The following NRXN1 variants were observed in gnomAD, a reference collection of about 807,000 sequenced individuals.
NRXN1 encodes the protein neurexin-1.
Under a neutral mutation model 150.9 loss-of-function variants are expected in NRXN1, and 39 were observed. The ratio of observed to expected loss-of-function variants is 0.26; its 90% CI spans 0.20 to 0.34. The LOEUF (loss-of-function observed/expected upper bound fraction) is 0.34, where lower values mean the gene tolerates loss of function less well. NRXN1 is among the 10% of genes least tolerant of loss of function. NRXN1 has a pLI of 1.00. For missense variants in NRXN1, 1,815 were observed against 1,949.9 expected (o/e 0.93, Z 1.30); for synonymous variants, 924 against 757.0 (o/e 1.22, Z -3.62).
chr2:50,244,438 G>C (rs955144158), intron 17 of NRXN1, among the ~76,000 whole-genome samples: 6 of 151,872 alleles, frequency 4.0e-5, no homozygotes, highest in African/African-American at 1.4e-4. Context: ...ATCAATGATT[G>C]ATAGAGATTG....
At chr2:50,728,669 C>A (rs1697706472) in intron 5 of NRXN1, among the ~76,000 whole-genome samples, 2 of 152,106 alleles carry the variant, frequency 1.3e-5, no homozygotes, top group African/African-American at 4.8e-5. Context: ...AAGAAAATGC[C>A]TGCCTGTTAA....
In NRXN1 at chr2:50,168,434, A is replaced by C. The variant is rs915429980; in HGVS notation, c.3546+68355T>G. Among the ~76,000 whole-genome samples, 3 of 152,172 alleles carry C rather than the reference A, an allele frequency of 2.0e-5. No homozygotes were observed. The East Asian group carries it at 5.8e-4, about 29-fold the overall frequency. On this transcript the variant is annotated intron_variant, in intron 18 of 22. Coordinates refer to ENST00000401669, the MANE Select transcript of NRXN1 (RefSeq NM_001330078.2). ...CAACACAATTTGGCCTTTATATTTA[A>C]AAATCACGGTTCATTTGACGTCACA...
At chr2:50,161,205 C>T (rs1453337050) in intron 18 of NRXN1, among the ~76,000 whole-genome samples, 1 of 152,110 alleles carries the variant, frequency 6.6e-6, no homozygotes. Flanking sequence ...TGCATTTAAC[C>T]TTACAAAGAA....
At chr2:50,151,908 C>T (rs558274416) in intron 18 of NRXN1, among the ~76,000 whole-genome samples, 126 of 151,842 alleles carry the variant, frequency 8.3e-4, no homozygotes, top group African/African-American at 2.8e-3. Flanking sequence ...AGCAATTCTA[C>T]AGATTTTAAG....
intron 5 of NRXN1, among the ~76,000 whole-genome samples, chr2:50,780,852 C>T (rs1704263053): frequency 6.6e-6 from 1 of 152,094 alleles, no homozygotes; most frequent in African/African-American, 2.4e-5. Context: ...TTCCGGTAAC[C>T]ATCCTCTGGG....
chr2:50,430,704 T>C lies in NRXN1; in HGVS notation c.3364+34738A>G, dbSNP rs573420062. On this transcript the variant is annotated intron_variant, in intron 17 of 22. Coordinates refer to ENST00000401669, the MANE Select transcript of NRXN1 (RefSeq NM_001330078.2). ...TGAATTACCAGTCTTAGTTAATGTG[T>C]TTCTGGGTTTGTTTCAGGAATACTG... Among the ~76,000 whole-genome samples, 3 of 152,306 alleles carry C rather than the reference T, an allele frequency of 2.0e-5. No individual in the cohort carries two copies. The East Asian group carries it at 5.8e-4, about 29-fold the overall frequency.
At chr2:50,508,311 T>A (rs1283470825) in intron 12 of NRXN1, among the ~76,000 whole-genome samples, 2 of 152,006 alleles carry the variant, frequency 1.3e-5, no homozygotes, top group Admixed American at 6.6e-5. Flanking sequence ...ATTCTAGATA[T>A]AACAGTTTTA....
chr2:50,192,459 T>A (rs2061503630), intron 18 of NRXN1, among the ~76,000 whole-genome samples: 2 of 152,192 alleles, frequency 1.3e-5, no homozygotes, highest in African/African-American at 2.4e-5. Context: ...GATAAAGATA[T>A]ACAATTTAAT....
intron 18 of NRXN1, among the ~76,000 whole-genome samples, chr2:50,155,340 T>C (rs548572131): frequency 2.0e-5 from 3 of 151,598 alleles, no homozygotes; most frequent in African/African-American, 7.2e-5. Context: ...TTGGGGTACA[T>C]TCATTTATTA....
At chr2:50,710,742 T>C (rs919663182) in intron 5 of NRXN1, among the ~76,000 whole-genome samples, 1 of 152,232 alleles carries the variant, frequency 6.6e-6, no homozygotes, top group African/African-American at 2.4e-5. Context: ...AGGGCAGAGC[T>C]GATAAACATC....
At chr2:50,776,422 T>C (rs567961316) in intron 5 of NRXN1, among the ~76,000 whole-genome samples, 1 of 152,196 alleles carries the variant, frequency 6.6e-6, no homozygotes, top group African/African-American at 2.4e-5. Flanking sequence ...TTTTAAGCTA[T>C]TCTCTTATCT....
At chr2:50,172,941 T>C (rs1001036421) in intron 18 of NRXN1, among the ~76,000 whole-genome samples, 5 of 152,154 alleles carry the variant, frequency 3.3e-5, no homozygotes, top group African/African-American at 1.2e-4. Context: ...CACTCCAGCC[T>C]GGGCAACAGA....
chr2:50,738,290 C>T (rs1430147236), intron 5 of NRXN1, among the ~76,000 whole-genome samples: 1 of 152,222 alleles, frequency 6.6e-6, no homozygotes, highest in Non-Finnish European at 1.5e-5. Flanking sequence ...AAATGCTCCA[C>T]TGACCCTAAC....
chr2:50,076,344 G>A (rs533854203), intron 19 of NRXN1, among the ~76,000 whole-genome samples: 1 of 150,480 alleles, frequency 6.6e-6, no homozygotes, highest in East Asian at 2.0e-4. Context: ...GCAGTTGCAG[G>A]ATTGCAAAAC....
In NRXN1 at chr2:50,346,963, C is replaced by G; in HGVS notation, c.3365-109993G>C. 1 of 1,368,764 alleles carries G rather than the reference C, an allele frequency of 7.3e-7. No individual in the cohort carries two copies. The highest frequency in any genetic ancestry group is 9.4e-7 in the Non-Finnish European group (1 of 1,060,514). The allele number at this position is 1,368,764 out of a possible 1,614,324, so 84.8% of individuals were successfully genotyped here. On this transcript the variant is annotated intron_variant, in intron 17 of 22. Coordinates refer to ENST00000401669, the MANE Select transcript of NRXN1 (RefSeq NM_001330078.2). The surrounding 1 kb of genome is among the most constrained non-coding windows in gnomAD (Gnocchi z 5.0). ...CCTCTGGTACATGGCGGGGCGCCCGCCGAGGGGCAGCCGCCGCGGGAGGCA... is the reference window on the plus strand; with the variant it reads ...CCTCTGGTACATGGCGGGGCGCCCGGCGAGGGGCAGCCGCCGCGGGAGGCA...
At chr2:49,941,375 T>G (rs1430347681) in intron 22 of NRXN1, among the ~76,000 whole-genome samples, 1 of 151,078 alleles carries the variant, frequency 6.6e-6, no homozygotes, top group Non-Finnish European at 1.5e-5. Flanking sequence ...CCATCCGCCT[T>G]TTCTCTCCTC....
chr2:50,032,500 T>C (rs541041400), intron 21 of NRXN1, among the ~76,000 whole-genome samples: 6 of 152,206 alleles, frequency 3.9e-5, no homozygotes, highest in African/African-American at 1.4e-4. Context: ...ATCATTGAGG[T>C]TGAATTTGCA....
At chr2:50,573,587 C>G (rs981260861) in intron 8 of NRXN1, among the ~76,000 whole-genome samples, 6 of 151,840 alleles carry the variant, frequency 4.0e-5, no homozygotes, top group Non-Finnish European at 7.4e-5. Flanking sequence ...ATATTTTTAT[C>G]CATATTACAA....
chr2:50,110,781 C>T (rs868381659), intron 18 of NRXN1, among the ~76,000 whole-genome samples: 1 of 152,006 alleles, frequency 6.6e-6, no homozygotes, highest in African/African-American at 2.4e-5. Flanking sequence ...TATTTTCCCC[C>T]TAGGTTTTAA....
Sources: gnomAD v4.1 joint callset for allele counts (sites outside exome capture counted in the v4.1 genomes callset) on GRCh38, gnomAD v4.1.1 for gene constraint, Gnocchi (gnomAD v3.1) non-coding constraint, MANE v1.5 for transcripts, NCBI Gene and HGNC (gene_info 2026-07-23, HGNC 2026-07-21) for gene names.